Variants in ADGRG1 observed in about 807,000 individuals in gnomAD.
ADGRG1 encodes adhesion G protein-coupled receptor G1, also known as 7-transmembrane protein with no EGF-like N-terminal domains-1.
Under a neutral mutation model 73.5 loss-of-function variants are expected in ADGRG1, and 53 were observed. That is an observed-to-expected ratio of 0.72 (90% CI 0.58 to 0.91). ADGRG1 has a LOEUF of 0.91. Ranked by LOEUF, ADGRG1 falls within the 40% of genes least tolerant of loss-of-function variation. ADGRG1 has a pLI of 0.00. For missense variants in ADGRG1, 795 were observed against 871.8 expected, an observed-to-expected ratio of 0.91 and a Z score of 1.11; for synonymous variants, 394 against 374.4, an observed-to-expected ratio of 1.05 and a Z score of -0.60.
intron 1 of ADGRG1, chr16:57,644,051 C>A: frequency 1.0e-6 from 1 of 985,286 alleles, no homozygotes; most frequent in Non-Finnish European, 1.2e-6. Context: ...CTCTCAGACG[C>A]CACGCCACCC....
chr16:57,656,417 C>T (rs1303345733), intron 8 of ADGRG1, 97 bp from the exon 9 acceptor site: 66 of 1,606,924 alleles, frequency 4.1e-5, no homozygotes, highest in Non-Finnish European at 5.0e-5. Flanking sequence ...ATGAGTAGGC[C>T]GGGTGGAAGA....
chr16:57,641,498 C>T, intron 1 of ADGRG1: 7 of 985,300 alleles, frequency 7.1e-6, no homozygotes, highest in Non-Finnish European at 8.4e-6. Context: ...AGGCTGGTGT[C>T]CCCAGTGCCT....
intron 1 of ADGRG1, chr16:57,630,094 C>T (rs1425781839): frequency 3.7e-6 from 3 of 819,726 alleles, no homozygotes; most frequent in East Asian, 1.2e-4. Context: ...GCACTCTGTG[C>T]TCTGTCGGGA....
intron 3 of ADGRG1, chr16:57,652,601 T>C (rs1410163313): frequency 8.1e-6 from 8 of 984,248 alleles, no homozygotes; most frequent in Middle Eastern, 5.2e-4. Context: ...TTAAAAAACA[T>C]GGACCAGGGA....
At chr16:57,655,295 G>A in intron 5 of ADGRG1, 104 bp from the exon 6 acceptor site, 2 of 1,582,408 alleles carry the variant, frequency 1.3e-6, no homozygotes, top group African/African-American at 1.3e-5. Context: ...GGGCTTAGAA[G>A]TGGCAGCGTC....
At chr16:57,639,499 G>T (rs1019320945) in intron 1 of ADGRG1, 9 of 985,354 alleles carry the variant, frequency 9.1e-6, no homozygotes, top group African/African-American at 7.0e-5. Flanking sequence ...TCCAGTGAGG[G>T]AGCAGTGGCT....
chr16:57,644,825 C>T (rs1462346719), intron 1 of ADGRG1, among the ~76,000 whole-genome samples: 3 of 142,438 alleles, frequency 2.1e-5, no homozygotes, highest in Non-Finnish European at 4.6e-5. Context: ...CACACACATG[C>T]ACACACTGAT....
intron 5 of ADGRG1, 75 bp downstream of exon 5, chr16:57,654,208 C>T: frequency 6.9e-7 from 1 of 1,453,294 alleles, no homozygotes; most frequent in Non-Finnish European, 9.4e-7. Flanking sequence ...TGTGAGCACT[C>T]CCTGAAGCTC....
At chr16:57,642,525 A>G (rs1212948418) in intron 1 of ADGRG1, 7 of 979,658 alleles carry the variant, frequency 7.1e-6, no homozygotes, top group African/African-American at 1.8e-5. Context: ...AAAAGGCTCT[A>G]CCTTCACGTT....
intron 1 of ADGRG1, among the ~76,000 whole-genome samples, chr16:57,640,692 A>G (rs189165844): frequency 9.9e-5 from 15 of 152,246 alleles, no homozygotes; most frequent in Admixed American, 3.3e-4. Context: ...CAGCCTTGGT[A>G]GGGGAGAACT....
chr16:57,634,877 G>A (rs2038969566), intron 1 of ADGRG1: 1 of 727,282 alleles, frequency 1.4e-6, no homozygotes, highest in Admixed American at 6.3e-5. Flanking sequence ...CCATGCTTGT[G>A]GGCAGGTGGT....
intron 5 of ADGRG1, 50 bp downstream of exon 5, chr16:57,654,183 G>A (rs761306470): frequency 1.9e-6 from 3 of 1,577,724 alleles, no homozygotes; most frequent in Non-Finnish European, 2.6e-6. Flanking sequence ...GCCGGGGCCA[G>A]ATGGAGGTGG....
At chr16:57,632,442 TAGAGGAAAG>T (rs2038220178) in intron 1 of ADGRG1, 20 of 572,244 alleles carry the variant, frequency 3.5e-5, no homozygotes, top group Non-Finnish European at 4.4e-5. Context: ...AGAGAGTTGA[TAGAGGAAAG>T]CATATGGGAA....
Position 57,655,519 on chromosome 16 carries a change from G to T in ADGRG1, c.889G>T (p.Ala297Ser), listed in dbSNP as rs770271941. Residue 297 changes from alanine to serine, a missense_variant, in exon 6 of 14, where the codon GCC becomes TCC. Ala to Ser is a moderately conservative substitution (Grantham distance 99). Coordinates refer to ENST00000562631, the MANE Select transcript of ADGRG1 (RefSeq NM_201525.4). ...RLLLVDFSSQ[A>S]LFQDKNSSQV... ...CCTCCTGGTGGACTTCAGCAGCCAA[G>T]CCCTGTTCCAGGTATGGGGTCCTCA... 3.1e-6 allele frequency: 5 copies of T among 1,613,770 alleles called. No homozygotes were observed. In the African/African-American group the frequency reaches 6.7e-5, roughly 22 times the overall value.
intron 11 of ADGRG1, 189 bp from the exon 12 acceptor site, chr16:57,660,579 G>A: frequency 1.1e-6 from 1 of 874,052 alleles, no homozygotes. Flanking sequence ...TCCCCTTATA[G>A]GAAACCCATA....
At chr16:57,663,274 C>T in intron 13 of ADGRG1, 178 bp from the exon 14 acceptor site, 9 of 963,872 alleles carry the variant, frequency 9.3e-6, no homozygotes, top group Non-Finnish European at 9.9e-6. Flanking sequence ...CACGGGGACG[C>T]AGCACAGTGC....
upstream of ADGRG1, among the ~76,000 whole-genome samples, chr16:57,620,365 G>T (rs117572100): frequency 3.3e-3 from 499 of 152,286 alleles, 5 homozygotes; most frequent in African/African-American, 0.011. Flanking sequence ...TGCTGGCATG[G>T]TGGTCATCCT....
At chr16:57,625,280 C>T (rs1166044019), upstream of ADGRG1, among the ~76,000 whole-genome samples, 1 of 152,180 alleles carries the variant, frequency 6.6e-6, no homozygotes, top group Admixed American at 6.5e-5. Flanking sequence ...CCTGTGGCTT[C>T]CCCACATGAC....
chr16:57,642,620 A>G (rs867198475), intron 1 of ADGRG1: 2 of 983,748 alleles, frequency 2.0e-6, no homozygotes, highest in Admixed American at 1.2e-4. Context: ...TATACAACAG[A>G]AAGTATGGCC....
Sources: gnomAD v4.1 joint callset for allele counts (sites outside exome capture counted in the v4.1 genomes callset) on GRCh38, gnomAD v4.1.1 for gene constraint, MANE v1.5 for transcripts, NCBI Gene and HGNC (gene_info 2026-07-23, HGNC 2026-07-21) for gene names.